TENM3: variants seen among roughly 807,000 people sequenced by gnomAD.
The protein encoded by TENM3 is teneurin-3.
In TENM3, 63 loss-of-function variants were observed where a neutral mutation model predicts 255.1. The ratio of observed to expected loss-of-function variants is 0.25; its 90% confidence interval spans 0.20 to 0.30. The LOEUF is 0.30. TENM3 is among the 10% of genes least tolerant of loss of function. The probability of loss-of-function intolerance (pLI) is 1.00; values close to 1 mark genes in which losing one functional copy is unlikely to be tolerated. For missense variants in TENM3, 2,929 were observed against 3,461.1 expected (o/e 0.85, Z 3.86); for synonymous variants, 1,306 against 1,322.3 (o/e 0.99, Z 0.27).
At chr4:182,298,984 CAAAAAAAAAAAAAAAA>C (rs11283401) in intron 1 of TENM3, among the ~76,000 whole-genome samples, 2 of 25,562 alleles carry the variant, frequency 7.8e-5, no homozygotes, top group South Asian at 4.0e-3. Flanking sequence ...GACTCCTTCT[CAAAAAAAAAAAAAAAA>C]AAAAAAAAAA....
At chr4:181,893,653 C>T in the TENM3 span, among the ~76,000 whole-genome samples, 11 of 152,042 alleles carry the variant, frequency 7.2e-5, 1 homozygote, top group South Asian at 1.7e-3. Context: ...CTACTAATCC[C>T]AAATGAAATG....
chr4:181,650,518 T>C, the TENM3 span, among the ~76,000 whole-genome samples: 3 of 152,196 alleles, frequency 2.0e-5, no homozygotes, highest in African/African-American at 4.8e-5. Context: ...CATCCGCTTC[T>C]CTTTCTTCCT....
rs567955137 is a variant in TENM3, at chr4:182,683,867, AAG to A, written c.2035+1855_2035+1856del. Among the ~76,000 whole-genome samples, 8 of 152,258 alleles carry A rather than the reference AAG, an allele frequency of 5.3e-5. No individual in the cohort carries two copies. The East Asian group carries it at 1.6e-3, about 30-fold the overall frequency. On this transcript the variant is annotated intron_variant, in intron 11 of 27. Coordinates refer to ENST00000511685, the MANE Select transcript of TENM3 (RefSeq NM_001080477.4). ...TGGCTGGGAGTCAGTAGAAATAAAAAAGATAAATCTGAGGGACATTTGAAAGG... is the reference window on the plus strand; with the variant it reads ...TGGCTGGGAGTCAGTAGAAATAAAAAATAAATCTGAGGGACATTTGAAAGG...
intron 6 of TENM3, 33 bp from the exon 7 acceptor site, chr4:182,672,970 AAT>A (rs1223097520): frequency 7.1e-7 from 1 of 1,408,458 alleles, no homozygotes; most frequent in South Asian, 1.4e-5. Context: ...TTTTAAAAAA[AAT>A]TTGTTCTTCA....
At chr4:182,470,973 A>C (rs4862070) in intron 3 of TENM3, among the ~76,000 whole-genome samples, 26,773 of 152,162 alleles carry the variant, frequency 0.18, 2,512 homozygotes, top group East Asian at 0.28. Flanking sequence ...TAGTATAGAA[A>C]TCTTCTAGTA....
the TENM3 span, among the ~76,000 whole-genome samples, chr4:181,862,350 A>T: frequency 7.0e-3 from 1,062 of 152,252 alleles, 15 homozygotes; most frequent in African/African-American, 0.024. Context: ...ATTTCTCATA[A>T]AATGCAATAG....
At chr4:182,161,936 T>C (rs1364943701) in intron 1 of TENM3, among the ~76,000 whole-genome samples, 5 of 88,572 alleles carry the variant, frequency 5.6e-5, no homozygotes, top group East Asian at 8.6e-4. Flanking sequence ...TATATACACA[T>C]ATATATATTT....
the TENM3 span, among the ~76,000 whole-genome samples, chr4:181,558,219 A>C: frequency 6.6e-6 from 1 of 152,214 alleles, no homozygotes; most frequent in African/African-American, 2.4e-5. Context: ...CTCACTTGAC[A>C]CAGAATATAG....
the TENM3 span, among the ~76,000 whole-genome samples, chr4:181,550,404 G>C: frequency 1.3e-5 from 2 of 152,198 alleles, no homozygotes; most frequent in East Asian, 1.9e-4. Context: ...TAGCATCTCT[G>C]TAATGGAATT....
chr4:182,556,930 G>A (rs1419209820), intron 3 of TENM3, among the ~76,000 whole-genome samples: 1 of 152,178 alleles, frequency 6.6e-6, no homozygotes, highest in Admixed American at 6.5e-5. Context: ...ATGTGCATTA[G>A]GTTACCCTAG....
chr4:182,769,655 G>T (rs1465098154), intron 22 of TENM3, among the ~76,000 whole-genome samples: 1 of 152,008 alleles, frequency 6.6e-6, no homozygotes, highest in East Asian at 1.9e-4. Flanking sequence ...ACAGTGGCAG[G>T]CGCCTGTAAT....
At chr4:181,853,708 G>C in the TENM3 span, among the ~76,000 whole-genome samples, 1 of 152,174 alleles carries the variant, frequency 6.6e-6, no homozygotes, top group Non-Finnish European at 1.5e-5. Context: ...AATCACAGTT[G>C]TTAAGAAATA....
chr4:181,836,915 A>G, the TENM3 span, among the ~76,000 whole-genome samples: 3 of 152,070 alleles, frequency 2.0e-5, no homozygotes, highest in African/African-American at 7.2e-5. Context: ...CATCTTTTTT[A>G]TTTATTTTAA....
the TENM3 span, among the ~76,000 whole-genome samples, chr4:181,652,698 T>G: frequency 6.6e-6 from 1 of 152,200 alleles, no homozygotes; most frequent in Non-Finnish European, 1.5e-5. Flanking sequence ...CTTCCAAAAC[T>G]TAAAGTACAA....
the TENM3 span, among the ~76,000 whole-genome samples, chr4:181,705,415 C>T: frequency 1.3e-5 from 2 of 152,166 alleles, no homozygotes; most frequent in Non-Finnish European, 2.9e-5. Flanking sequence ...AAAGAGAAAG[C>T]TTTGGAGTCT....
Position 182,691,246 on chromosome 4 carries a change from C to A in TENM3, c.2221+2895C>A, listed in dbSNP as rs560809176. 6.4e-4 allele frequency among the ~76,000 whole-genome samples: 98 copies of A among 152,354 alleles called. 2 individuals carry two copies. The South Asian group carries it at 0.02, about 31-fold the overall frequency. On this transcript the variant is annotated intron_variant, in intron 12 of 27. Coordinates refer to ENST00000511685, the MANE Select transcript of TENM3 (RefSeq NM_001080477.4). ...TTGCATTTCCTCCCCATTTTAACCC[C>A]TACGCATCTGGCTGAAAGAAGCTGC...
chr4:181,885,072 A>G, the TENM3 span, among the ~76,000 whole-genome samples: 2 of 152,188 alleles, frequency 1.3e-5, no homozygotes, highest in Admixed American at 6.5e-5. Flanking sequence ...ATTGATCAAT[A>G]TAACTATCAA....
the TENM3 span, among the ~76,000 whole-genome samples, chr4:181,586,163 T>C: frequency 0.012 from 1,843 of 152,326 alleles, 30 homozygotes; most frequent in African/African-American, 0.042. Context: ...TTCCATCTGA[T>C]ATCTCAGCCT....
At chr4:181,914,883 C>T in the TENM3 span, among the ~76,000 whole-genome samples, 114 of 152,222 alleles carry the variant, frequency 7.5e-4, no homozygotes, top group Middle Eastern at 0.01. Context: ...CTTTTATGCA[C>T]CAGGTACTGG....
Sources: allele counts gnomAD v4.1 joint callset (sites outside exome capture counted in the v4.1 genomes callset), GRCh38; gene constraint gnomAD v4.1.1; transcripts MANE v1.5; gene names NCBI Gene and HGNC (gene_info 2026-07-23, HGNC 2026-07-21).